Variants in TMEM132D observed in about 807,000 individuals in gnomAD.
TMEM132D encodes transmembrane protein 132D, also known as mature OL transmembrane protein.
TMEM132D carries 21 observed loss-of-function variants against 62.3 expected under a neutral mutation model. That is an observed-to-expected ratio of 0.34 (90% CI 0.24 to 0.49). The LOEUF is 0.49. Among genes scored for constraint, TMEM132D ranks in the 20% least tolerant of loss-of-function variants. TMEM132D has a pLI of 0.99. For missense variants in TMEM132D, 1,346 were observed against 1,402.8 expected, an observed-to-expected ratio of 0.96 and a Z score of 0.65; for synonymous variants, 621 against 575.6, an observed-to-expected ratio of 1.08 and a Z score of -1.13.
chr12:129,609,931 T>C (rs1218551309), intron 2 of TMEM132D, among the ~76,000 whole-genome samples: 1 of 152,188 alleles, frequency 6.6e-6, no homozygotes, highest in African/African-American at 2.4e-5. Flanking sequence ...ATACAGCTCA[T>C]GACAACAGTG....
At chr12:129,440,965 T>C (rs752825394) in intron 3 of TMEM132D, among the ~76,000 whole-genome samples, 9 of 152,232 alleles carry the variant, frequency 5.9e-5, no homozygotes, top group Non-Finnish European at 8.8e-5. Context: ...TCCATTATTA[T>C]GGCATTTACC....
chr12:129,565,050 C>T (rs1565905785), intron 2 of TMEM132D, among the ~76,000 whole-genome samples: 2 of 152,200 alleles, frequency 1.3e-5, no homozygotes, highest in African/African-American at 2.4e-5. Flanking sequence ...TGGCTAGCCA[C>T]ATGCTGATGA....
intron 4 of TMEM132D, among the ~76,000 whole-genome samples, chr12:129,282,550 T>C (rs973142014): frequency 6.6e-6 from 1 of 152,104 alleles, no homozygotes; most frequent in African/African-American, 2.4e-5. Flanking sequence ...TCCTGGAGAT[T>C]TGGCAACCCT....
At chr12:129,613,978 C>G (rs1331475689) in intron 2 of TMEM132D, among the ~76,000 whole-genome samples, 1 of 151,996 alleles carries the variant, frequency 6.6e-6, no homozygotes, top group Non-Finnish European at 1.5e-5. Flanking sequence ...GACTCCAGAA[C>G]CCGGGGGACT....
At chr12:129,551,395 A>G (rs1487756213) in intron 2 of TMEM132D, among the ~76,000 whole-genome samples, 1 of 152,220 alleles carries the variant, frequency 6.6e-6, no homozygotes, top group Non-Finnish European at 1.5e-5. Context: ...GGGCTTAGGA[A>G]GGCATGTCTC....
intron 1 of TMEM132D, among the ~76,000 whole-genome samples, chr12:129,707,793 G>A (rs1367840657): frequency 1.3e-5 from 2 of 152,184 alleles, no homozygotes; most frequent in African/African-American, 2.4e-5. Flanking sequence ...GCTGGGTGCA[G>A]GGGAAACAGA....
intron 2 of TMEM132D, among the ~76,000 whole-genome samples, chr12:129,631,903 A>C (rs1005339500): frequency 1.3e-5 from 2 of 152,162 alleles, no homozygotes; most frequent in African/African-American, 4.8e-5. Flanking sequence ...AACTCAACAG[A>C]TCCTCAGACT....
intron 5 of TMEM132D, among the ~76,000 whole-genome samples, chr12:129,169,468 A>C (rs2135545701): frequency 6.6e-6 from 1 of 152,344 alleles, no homozygotes; most frequent in East Asian, 1.9e-4. Flanking sequence ...GCACTGCTAC[A>C]TAGCTGTATC....
intron 5 of TMEM132D, among the ~76,000 whole-genome samples, chr12:129,149,437 C>G (rs912433362): frequency 2.0e-5 from 3 of 152,138 alleles, no homozygotes; most frequent in Non-Finnish European, 4.4e-5. Flanking sequence ...CTTTCTGTCC[C>G]TGAAACAAAA....
intron 5 of TMEM132D, among the ~76,000 whole-genome samples, chr12:129,188,571 C>T (rs1020477126): frequency 1.3e-5 from 2 of 152,124 alleles, no homozygotes; most frequent in Non-Finnish European, 2.9e-5. Flanking sequence ...CTGTGGTTTC[C>T]AACTAGGGAC....
chr12:129,807,544 A>G (rs977564411), intron 1 of TMEM132D, among the ~76,000 whole-genome samples: 2 of 152,174 alleles, frequency 1.3e-5, no homozygotes, highest in Admixed American at 6.5e-5. Flanking sequence ...TCCTCTCTCT[A>G]AGATGCTCAT....
intron 4 of TMEM132D, among the ~76,000 whole-genome samples, chr12:129,309,030 G>C (rs1301608258): frequency 6.6e-6 from 1 of 152,042 alleles, no homozygotes; most frequent in Non-Finnish European, 1.5e-5. Flanking sequence ...TAATCCATAG[G>C]GTACTCTTCA....
At chr12:129,659,256 G>A (rs1447282998) in intron 2 of TMEM132D, among the ~76,000 whole-genome samples, 1 of 152,100 alleles carries the variant, frequency 6.6e-6, no homozygotes, top group African/African-American at 2.4e-5. Flanking sequence ...AAATTGTCAA[G>A]AAAAATCGAT....
intron 1 of TMEM132D, among the ~76,000 whole-genome samples, chr12:129,842,969 T>C (rs1226418119): frequency 6.6e-6 from 1 of 152,218 alleles, no homozygotes; most frequent in Non-Finnish European, 1.5e-5. Context: ...ATTTTATTAT[T>C]GAAAAAGTGT....
intron 3 of TMEM132D, among the ~76,000 whole-genome samples, chr12:129,343,885 C>A (rs1212758700): frequency 6.6e-6 from 1 of 152,116 alleles, no homozygotes; most frequent in Non-Finnish European, 1.5e-5. Flanking sequence ...GAACTGAGAT[C>A]ATGATCGTGC....
chr12:129,576,914 C>T (rs1455259356), intron 2 of TMEM132D, among the ~76,000 whole-genome samples: 1 of 151,838 alleles, frequency 6.6e-6, no homozygotes, highest in Non-Finnish European at 1.5e-5. Flanking sequence ...CGATACTGTA[C>T]GTTTGTGTCG....
intron 1 of TMEM132D, among the ~76,000 whole-genome samples, chr12:129,792,349 C>T (rs1871423527): frequency 6.6e-6 from 1 of 152,122 alleles, no homozygotes; most frequent in African/African-American, 2.4e-5. Context: ...GGCCTTAGCT[C>T]TCTCCCCTGT....
intron 4 of TMEM132D, among the ~76,000 whole-genome samples, chr12:129,334,725 G>A (rs1176829285): frequency 6.6e-6 from 1 of 152,158 alleles, no homozygotes; most frequent in Non-Finnish European, 1.5e-5. Flanking sequence ...GAGTAGCTGG[G>A]ACTACAGGTG....
At chr12:129,654,255 TTCTCTCTC>T (rs368963587) in intron 2 of TMEM132D, among the ~76,000 whole-genome samples, 2 of 147,476 alleles carry the variant, frequency 1.4e-5, no homozygotes, top group East Asian at 2.0e-4. Flanking sequence ...GTCTCTCTCT[TTCTCTCTC>T]TCTCTCTCAC....
Sources: allele counts gnomAD v4.1 joint callset (sites outside exome capture counted in the v4.1 genomes callset), GRCh38; gene constraint gnomAD v4.1.1; transcripts MANE v1.5; gene names NCBI Gene and HGNC (gene_info 2026-07-23, HGNC 2026-07-21).